ELSPBP1: variants seen among roughly 807,000 people sequenced by gnomAD.
ELSPBP1 encodes the protein epididymal sperm binding protein 1, also known as epididymal sperm-binding protein 1.
A neutral mutation model predicts 33.3 loss-of-function variants in ELSPBP1; 38 were observed. That is an observed-to-expected ratio of 1.14 (90% confidence interval 0.88 to 1.50). ELSPBP1 has a LOEUF of 1.50. Among genes scored for constraint, ELSPBP1 ranks in the 40% most tolerant of loss-of-function variants. ELSPBP1 has a pLI of 0.00. For synonymous variants in ELSPBP1, 85 were observed against 94.1 expected, an observed-to-expected ratio of 0.90 and a Z score of 0.56; for missense variants, 267 against 263.5, an observed-to-expected ratio of 1.01 and a Z score of -0.09.
chr19:48,011,747 C>T lies in ELSPBP1; in HGVS notation c.71-2424C>T, dbSNP rs1025987234. ...ATTATGATGATGCCAATGACAATAG[C>T]GTGGAGAATGATGATGATGACAGTG... On this transcript the variant is annotated intron_variant, in intron 2 of 6. Coordinates refer to ENST00000339841, the MANE Select transcript of ELSPBP1 (RefSeq NM_022142.5). The surrounding 1 kb of genome is among the most constrained non-coding windows in gnomAD (Gnocchi z 4.5). 4.6e-5 allele frequency among the ~76,000 whole-genome samples: 7 copies of T among 151,330 alleles called. No individual in the cohort carries two copies. Among genetic ancestry groups the T allele is most frequent in the African/African-American group, 1.5e-4 (6 of 41,178 alleles).
At chr19:48,001,488 G>A (rs1256739929) in intron 1 of ELSPBP1, among the ~76,000 whole-genome samples, 1 of 151,818 alleles carries the variant, frequency 6.6e-6, no homozygotes, top group African/African-American at 2.4e-5. Context: ...GATGACATTG[G>A]GTCCATCTGG....
chr19:48,021,030 T>G (rs181629019), intron 5 of ELSPBP1, among the ~76,000 whole-genome samples: 6 of 152,336 alleles, frequency 3.9e-5, no homozygotes, highest in African/African-American at 1.4e-4. Context: ...CTCTGTTGCC[T>G]CAAGCTGCTG....
chr19:48,009,781 C>T (rs1307700517), intron 2 of ELSPBP1, among the ~76,000 whole-genome samples: 1 of 147,920 alleles, frequency 6.8e-6, no homozygotes, highest in East Asian at 1.9e-4. Context: ...CTGCTTGACA[C>T]AATAACATTT....
At chr19:48,015,765 A>G in intron 3 of ELSPBP1, 128 bp from the exon 4 acceptor site, 1 of 829,836 alleles carries the variant, frequency 1.2e-6, no homozygotes, top group Non-Finnish European at 1.8e-6. Flanking sequence ...GCTTGATGAA[A>G]TAATGCATAA....
chr19:48,003,821 T>C (rs1049700252), intron 1 of ELSPBP1, among the ~76,000 whole-genome samples: 2 of 151,030 alleles, frequency 1.3e-5, no homozygotes, highest in African/African-American at 2.4e-5. Context: ...GCTGGAATTA[T>C]AGGCATGAGC....
rs1027626583 is a variant in ELSPBP1 at position 48,011,909 on chromosome 19, C to T, written c.71-2262C>T. ...TCACAAAAATAAATACCAAACAGTT[C>T]TGAGAAACAAGGTGAAAAATGCAAT... On this transcript the variant is annotated intron_variant, in intron 2 of 6. Transcript: ENST00000339841. This position sits in a 1 kb window ranked among gnomAD's most constrained non-coding sequence, Gnocchi z 4.5. Among the ~76,000 whole-genome samples the T allele has an allele frequency of 6.8e-6, 1 of 146,492 alleles. No individual in the cohort carries two copies. The highest frequency in any genetic ancestry group is 2.6e-5 in the African/African-American group (1 of 39,144).
At chr19:48,019,662 T>C (rs2122332425) in intron 4 of ELSPBP1, 57 bp from the exon 5 acceptor site, 1 of 1,545,322 alleles carries the variant, frequency 6.5e-7, no homozygotes, top group South Asian at 1.2e-5. Flanking sequence ...GTGTCATAAA[T>C]GGAAGCTCTT....
At chr19:48,020,313 C>A (rs901200071) in intron 5 of ELSPBP1, among the ~76,000 whole-genome samples, 5 of 151,990 alleles carry the variant, frequency 3.3e-5, no homozygotes, top group Non-Finnish European at 5.9e-5. Flanking sequence ...TGAGACCTTG[C>A]GTCTAAAATA....
chr19:48,006,795 C>G lies in ELSPBP1; in HGVS notation c.-17-1856C>G, dbSNP rs139102907. On this transcript the variant is annotated intron_variant, in intron 1 of 6. Transcript: ENST00000339841. ...AGCCAAAGAGAATGAGAGTCCTTCA[C>G]AAGTAGTGAATGAGACATCACTCAG... Among the ~76,000 whole-genome samples the G allele has an allele frequency of 7.5e-3, 1,147 of 152,144 alleles. 16 individuals carry two copies. The highest frequency in any genetic ancestry group is 0.027 in the African/African-American group (1,109 of 41,478).
rs775914344 is a variant in ELSPBP1 at position 48,019,817 on chromosome 19, T to C, written c.454T>C (p.Trp152Arg). The change falls in exon 5 of 7, where the codon TGG (tryptophan) becomes CGG (arginine). Residue 152 changes from tryptophan (W) to arginine (R), a missense_variant. Trp to Arg is a moderately radical substitution (Grantham distance 101). Coordinates refer to ENST00000339841, the MANE Select transcript of ELSPBP1 (RefSeq NM_022142.5). ...CATGGAGGATGAAAGCAACAAGCTC[T>C]GGTGCCCAACCACAGAGAACATGGA... The part of the protein sequence containing the change: ...DCMEDESNKL[W>R]CPTTENMDKD... The C allele has an allele frequency of 6.2e-7, 1 of 1,612,934 alleles. No homozygotes were observed.
chr19:48,023,881 T>C (rs1015869650), intron 6 of ELSPBP1, among the ~76,000 whole-genome samples: 6 of 151,538 alleles, frequency 4.0e-5, no homozygotes, highest in Admixed American at 2.6e-4. Flanking sequence ...TATTTATTTA[T>C]TTTTTTTGAG....
At chr19:48,019,971 C>G in intron 5 of ELSPBP1, 94 bp downstream of exon 5, 1 of 1,350,996 alleles carries the variant, frequency 7.4e-7, no homozygotes, top group Non-Finnish European at 1.0e-6. Flanking sequence ...GAGCCAGGCA[C>G]TGAGTTGGGC....
At chr19:48,002,588 C>G (rs1966978441) in intron 1 of ELSPBP1, among the ~76,000 whole-genome samples, 1 of 152,146 alleles carries the variant, frequency 6.6e-6, no homozygotes, top group Non-Finnish European at 1.5e-5. Context: ...GTCAGGAGTT[C>G]AAAACCAACC....
intron 1 of ELSPBP1, among the ~76,000 whole-genome samples, chr19:47,995,832 G>A (rs1424786713): frequency 6.6e-6 from 1 of 152,196 alleles, no homozygotes; most frequent in Admixed American, 6.6e-5. Context: ...AGGCCACCCA[G>A]TTGAAACATG....
chr19:47,998,305 G>A (rs1478265564), intron 1 of ELSPBP1, among the ~76,000 whole-genome samples: 4 of 152,002 alleles, frequency 2.6e-5, no homozygotes, highest in African/African-American at 9.7e-5. Flanking sequence ...CCAGCTACTC[G>A]GGAGGCTGAG....
In ELSPBP1 at chr19:48,019,734, C is replaced by A. The variant is rs139657764; in HGVS notation, c.371C>A (p.Ser124Tyr). ...TCCTTTTCAGAGTATGGGGGAAATT[C>A]TCTCAGGAAGCCCTGCATCTTCCCC... The part of the protein sequence containing the change: ...FCETNEYGGN[S>Y]LRKPCIFPSI... Residue 124 changes from serine (S) to tyrosine (Y), a missense_variant, in exon 5 of 7, where the codon TCT becomes TAT. Coordinates refer to ENST00000339841, the MANE Select transcript of ELSPBP1 (RefSeq NM_022142.5). 1.9e-6 allele frequency: 3 copies of A among 1,613,816 alleles called. No homozygotes were observed. In the African/African-American group the frequency reaches 4.0e-5, roughly 22 times the overall value.
rs1005293453 is a variant in ELSPBP1 at position 48,008,598 on chromosome 19, T to C, written c.-17-53T>C. 8.6e-6 allele frequency: 11 copies of C among 1,284,130 alleles called. No individual in the cohort carries two copies. The Admixed American group carries it at 1.8e-4, about 21-fold the overall frequency. The allele number at this position is 1,284,130 out of a possible 1,614,324, so 79.5% of individuals were successfully genotyped here. On this transcript the variant is annotated intron_variant, in intron 1 of 6. Coordinates refer to ENST00000339841, the MANE Select transcript of ELSPBP1 (RefSeq NM_022142.5). ...GTATGACGTCAAATCTAGGAGGTAA[T>C]GGGAAGAGGAAGGGGACGTGTGGGA... is the stretch of plus-strand genomic sequence containing the variant.
intron 6 of ELSPBP1, 34 bp downstream of exon 6, chr19:48,022,368 G>A: frequency 6.4e-7 from 1 of 1,563,846 alleles, no homozygotes; most frequent in Non-Finnish European, 8.7e-7. Flanking sequence ...TCATTTCACG[G>A]ATGCAGAGGT....
chr19:48,009,986 G>A (rs1336278684), intron 2 of ELSPBP1, among the ~76,000 whole-genome samples: 1 of 152,126 alleles, frequency 6.6e-6, no homozygotes, highest in Non-Finnish European at 1.5e-5. Flanking sequence ...TTGGAGGAGA[G>A]GGTTTTTTGT....
Sources: gnomAD v4.1 joint callset for allele counts (sites outside exome capture counted in the v4.1 genomes callset) on GRCh38, gnomAD v4.1.1 for gene constraint, Gnocchi (gnomAD v3.1) non-coding constraint, MANE v1.5 for transcripts, NCBI Gene and HGNC (gene_info 2026-07-23, HGNC 2026-07-21) for gene names.